AKAP13: variants seen among roughly 807,000 people sequenced by gnomAD.
The protein encoded by AKAP13 is A-kinase anchoring protein 13.
A neutral mutation model predicts 264.5 loss-of-function variants in AKAP13; 80 were observed. That is an observed-to-expected ratio of 0.30 (90% confidence interval 0.25 to 0.36). The LOEUF (loss-of-function observed/expected upper bound fraction) is 0.36, where lower values mean the gene tolerates loss of function less well. Ranked by LOEUF, AKAP13 falls within the 10% of genes least tolerant of loss-of-function variation. The pLI is 1.00. For missense variants in AKAP13, 3,712 were observed against 3,435.2 expected, an observed-to-expected ratio of 1.08 and a Z score of -2.01; for synonymous variants, 1,380 against 1,250.2, an observed-to-expected ratio of 1.10 and a Z score of -2.19.
chr15:85,647,391 T>TC (rs2082605230), intron 10 of AKAP13, among the ~76,000 whole-genome samples: 1 of 151,620 alleles, frequency 6.6e-6, no homozygotes, highest in South Asian at 2.1e-4. Flanking sequence ...GGAGTGAAAC[T>TC]CCATCTCAAA....
Position 85,580,955 on chromosome 15 carries a change from T to C in AKAP13, c.2887T>C (p.Phe963Leu). 3 of 1,614,094 alleles carry C rather than the reference T, an allele frequency of 1.9e-6. No homozygotes were observed. The highest frequency in any genetic ancestry group is 2.5e-6 in the Non-Finnish European group (3 of 1,180,004). The change falls in exon 7 of 37, where the codon TTT becomes CTT. Residue 963 changes from phenylalanine to leucine, a missense_variant. Phe to Leu is a conservative substitution (Grantham distance 22, BLOSUM62 0). Around this residue, in one of 3 missense-constraint regions of AKAP13, gnomAD observed 2,759 missense variants for 2,411.7 expected, o/e 1.14. Transcript: ENST00000394518. Reference sequence around the variant, plus strand: ...ACCTCCTGGACAAGATACTCAACAATTTCATGAAAAATCAATCTCAGCTGA... The same window carrying C: ...ACCTCCTGGACAAGATACTCAACAACTTCATGAAAAATCAATCTCAGCTGA... ...TPPPGQDTQQ[F>L]HEKSISADCA... is the part of the protein sequence containing the mutation.
Position 85,579,516 on chromosome 15 carries a change from A to G in AKAP13, c.1448A>G (p.Glu483Gly). 1 of 1,614,222 alleles carries G rather than the reference A, an allele frequency of 6.2e-7. No individual in the cohort carries two copies. The highest frequency in any genetic ancestry group is 8.5e-7 in the Non-Finnish European group (1 of 1,180,038). Residue 483 changes from glutamate (E) to glycine (G), a missense_variant, in exon 7 of 37, where the codon GAA becomes GGA. Coordinates refer to ENST00000394518, the MANE Select transcript of AKAP13 (RefSeq NM_007200.5). ...VSTPDTAGEM[E>G]HGLMNPDATV... ...ACCCCAGACACTGCAGGGGAAATGG[A>G]ACATGGGCTCATGAACCCAGATGCC...
chr15:85,727,992 T>C lies in AKAP13; in HGVS notation c.7087+529T>C, dbSNP rs1220982016. 5.3e-5 allele frequency among the ~76,000 whole-genome samples: 8 copies of C among 152,294 alleles called. No individual in the cohort carries two copies. Among genetic ancestry groups the C allele is most frequent in the Admixed American group, 5.2e-4 (8 of 15,306 alleles). On this transcript the variant is annotated intron_variant, in intron 29 of 36. Coordinates refer to ENST00000394518, the MANE Select transcript of AKAP13 (RefSeq NM_007200.5). The surrounding 1 kb of genome is among the most constrained non-coding windows in gnomAD (Gnocchi z 5.3). The stretch of plus-strand genomic sequence containing the variant: ...TGACTGTTTTGTGTAGTCTTGTCAG[T>C]ATCCCTGCAACACAGGCATTCTAAT...
chr15:85,617,754 A>T (rs1387318567), intron 8 of AKAP13, among the ~76,000 whole-genome samples: 1 of 152,222 alleles, frequency 6.6e-6, no homozygotes, highest in Non-Finnish European at 1.5e-5. Context: ...GCTTTTACAG[A>T]AAAGATAATA....
intron 6 of AKAP13, 102 bp from the exon 7 acceptor site, chr15:85,578,828 A>G: frequency 1.9e-6 from 2 of 1,041,584 alleles, no homozygotes; most frequent in East Asian, 4.9e-5. Flanking sequence ...TAGAAGAGCT[A>G]GAATAGAAGT....
chr15:85,454,019 C>G (rs2074190811), intron 1 of AKAP13, among the ~76,000 whole-genome samples: 1 of 152,164 alleles, frequency 6.6e-6, no homozygotes, highest in Non-Finnish European at 1.5e-5. Flanking sequence ...ACCTCTTCCC[C>G]TAGGAGCTCC....
intron 8 of AKAP13, chr15:85,619,788 A>C (rs1382477053): frequency 1.8e-6 from 2 of 1,102,926 alleles, no homozygotes; most frequent in Non-Finnish European, 2.2e-6. Context: ...TTCAGTCAAG[A>C]TCTGCACAAA....
At chr15:85,592,173 G>A (rs140572199) in intron 8 of AKAP13, among the ~76,000 whole-genome samples, 262 of 151,106 alleles carry the variant, frequency 1.7e-3, no homozygotes, top group African/African-American at 6.1e-3. Flanking sequence ...GGCATTGTTG[G>A]TCTTAGAATA....
At chr15:85,439,734 A>C (rs193255613) in intron 1 of AKAP13, among the ~76,000 whole-genome samples, 12,540 of 142,762 alleles carry the variant, frequency 0.088, 692 homozygotes, top group Middle Eastern at 0.17. Context: ...AAAACCAAAC[A>C]CCGCATATTC....
chr15:85,441,472 T>C (rs1478997987), intron 1 of AKAP13, among the ~76,000 whole-genome samples: 1 of 152,170 alleles, frequency 6.6e-6, no homozygotes, highest in Non-Finnish European at 1.5e-5. Flanking sequence ...ATTTTCTTGA[T>C]GGTGTCTTTT....
intron 10 of AKAP13, among the ~76,000 whole-genome samples, chr15:85,653,018 A>T (rs964080274): frequency 8.5e-5 from 13 of 152,162 alleles, no homozygotes; most frequent in African/African-American, 3.1e-4. Context: ...ACATTATTCA[A>T]CCCAGTACAG....
chr15:85,708,918 C>T lies in AKAP13; in HGVS notation c.5532+832C>T, dbSNP rs2086470773. ...TTACTGAGCCCCACTCCCAGAGTCTCAGATTCTGGGGGAGAGTCCAGGAAT... is the reference window on the plus strand; with the variant it reads ...TTACTGAGCCCCACTCCCAGAGTCTTAGATTCTGGGGGAGAGTCCAGGAAT... On this transcript the variant is annotated intron_variant, in intron 18 of 36. Coordinates refer to ENST00000394518, the MANE Select transcript of AKAP13 (RefSeq NM_007200.5). This position sits in a 1 kb window ranked among gnomAD's most constrained non-coding sequence, Gnocchi z 4.3. 6.6e-6 allele frequency among the ~76,000 whole-genome samples: 1 copy of T among 152,178 alleles called. No individual in the cohort carries two copies. Among genetic ancestry groups the T allele is most frequent in the African/African-American group, 2.4e-5 (1 of 41,426 alleles).
chr15:85,543,667 T>C, intron 4 of AKAP13, 105 bp from the exon 5 acceptor site: 2 of 1,270,766 alleles, frequency 1.6e-6, no homozygotes, highest in Non-Finnish European at 1.1e-6. Flanking sequence ...CTTTACAATC[T>C]TAGGCACTTG....
chr15:85,662,368 G>A, intron 12 of AKAP13: 1 of 1,613,642 alleles, frequency 6.2e-7, no homozygotes, highest in East Asian at 2.2e-5. Context: ...TTCTGTTTCT[G>A]TCTTTGATGT....
rs941883196 is a variant in AKAP13, at chr15:85,745,011, A to C, written c.*334A>C. On this transcript the variant is annotated 3_prime_UTR_variant, in exon 37 of 37. Coordinates refer to ENST00000394518, the MANE Select transcript of AKAP13 (RefSeq NM_007200.5). The stretch of plus-strand genomic sequence containing the variant: ...GAATTCCTAAAGGCTGAAAGAGTGT[A>C]TCCAAGTAAGGTCTGAACCTCCGAA... 38 of 230,780 alleles carry C rather than the reference A, an allele frequency of 1.6e-4. No individual in the cohort carries two copies. Among genetic ancestry groups the C allele is most frequent in the Non-Finnish European group, 2.9e-4 (34 of 117,770 alleles). The allele number at this position is 230,780 out of a possible 1,614,324, so 14.3% of individuals were successfully genotyped here.
At chr15:85,402,846 G>A (rs949736024) in intron 1 of AKAP13, among the ~76,000 whole-genome samples, 7 of 152,134 alleles carry the variant, frequency 4.6e-5, no homozygotes, top group African/African-American at 1.7e-4. Flanking sequence ...ATTGAAACTA[G>A]GATTGTGTTT....
At chr15:85,588,958 A>G (rs1340184193) in intron 8 of AKAP13, among the ~76,000 whole-genome samples, 1 of 152,188 alleles carries the variant, frequency 6.6e-6, no homozygotes, top group African/African-American at 2.4e-5. Flanking sequence ...GTTTGCTTCC[A>G]CCGTGTAGAG....
intron 5 of AKAP13, among the ~76,000 whole-genome samples, chr15:85,562,601 A>C (rs891549049): frequency 2.6e-4 from 36 of 137,638 alleles, no homozygotes; most frequent in Non-Finnish European, 4.7e-4. Flanking sequence ...ATATATATAT[A>C]TATATCTCTG....
intron 15 of AKAP13, 156 bp from the exon 16 acceptor site, chr15:85,684,585 A>T: frequency 2.8e-6 from 2 of 713,092 alleles, no homozygotes; most frequent in Non-Finnish European, 4.5e-6. Flanking sequence ...TGACGGATCT[A>T]AGGAAACTTA....
Sources: gnomAD v4.1 joint callset for allele counts (sites outside exome capture counted in the v4.1 genomes callset) on GRCh38, gnomAD v4.1.1 for gene constraint, gnomAD v4.1.1 regional missense constraint, Gnocchi (gnomAD v3.1) non-coding constraint, MANE v1.5 for transcripts, NCBI Gene and HGNC (gene_info 2026-07-23, HGNC 2026-07-21) for gene names.